NRK: variants seen among roughly 807,000 people sequenced by gnomAD.
NRK encodes Nik related kinase.
In NRK, 67 loss-of-function variants were observed where a neutral mutation model predicts 125.2. That is an observed-to-expected ratio of 0.54 (90% CI 0.44 to 0.66). The LOEUF is 0.66. Among genes scored for constraint, NRK ranks in the 30% least tolerant of loss-of-function variants. The pLI is 0.00. For missense variants in NRK, 1,224 were observed against 1,192.9 expected, an observed-to-expected ratio of 1.03 and a Z score of -0.38; for synonymous variants, 458 against 429.0, an observed-to-expected ratio of 1.07 and a Z score of -0.84.
rs1204461440 is a variant in NRK, at chrX:105,920,786, A to G, written c.2513-1178A>G. ...CAAATCAAAACCACAATGAGATACC[A>G]TCTCACACCAGTTAGAATGGCAATC... On this transcript the variant is annotated intron_variant, in intron 16 of 28. Transcript: ENST00000243300. 3.7e-5 allele frequency among the ~76,000 whole-genome samples: 4 copies of G among 107,314 alleles called. No individual in the cohort carries two copies. In the East Asian group the frequency reaches 1.2e-3, roughly 32 times the overall value. The allele number at this position is 107,314 out of a possible 115,157, so 93.2% of individuals were successfully genotyped here. A position where few individuals can be genotyped will look rare whatever the true frequency, so the allele number is the denominator to read the frequency against.
chrX:105,857,754 G>T (rs1347422440), intron 2 of NRK, among the ~76,000 whole-genome samples: 1 of 111,591 alleles, frequency 9.0e-6, no homozygotes, highest in African/African-American at 3.3e-5. Flanking sequence ...TTGCAGACAC[G>T]TGGGCACATA....
chrX:105,883,618 G>A (rs914497966), intron 4 of NRK, among the ~76,000 whole-genome samples: 4 of 111,867 alleles, frequency 3.6e-5, no homozygotes, highest in African/African-American at 9.7e-5. Context: ...AGAGCCCAGC[G>A]CATCTCTTGT....
At chrX:105,924,254 G>C (rs1490727113) in intron 18 of NRK, among the ~76,000 whole-genome samples, 3 of 110,248 alleles carry the variant, frequency 2.7e-5, no homozygotes, top group Non-Finnish European at 5.7e-5. Context: ...GAAAATCAAG[G>C]CACATGTTGA....
intron 1 of NRK, among the ~76,000 whole-genome samples, chrX:105,825,683 T>G (rs1012813019): frequency 2.7e-5 from 3 of 111,548 alleles, no homozygotes; most frequent in African/African-American, 9.8e-5. Flanking sequence ...GTGACAAAAT[T>G]ATATAACTTT....
chrX:105,822,423 G>C (rs1187683016), upstream of NRK: 2 of 165,261 alleles, frequency 1.2e-5, no homozygotes, highest in Admixed American at 1.5e-4. Flanking sequence ...CTCCCCGCCG[G>C]GCGGCTGCCC....
intron 3 of NRK, 51 bp downstream of exon 3, chrX:105,880,306 G>A: frequency 2.0e-6 from 1 of 494,833 alleles, no homozygotes; most frequent in Non-Finnish European, 3.2e-6. Context: ...CTGTGTTCCT[G>A]GGATACACAA....
chrX:105,852,784 C>T (rs2039488297), intron 2 of NRK, among the ~76,000 whole-genome samples: 1 of 111,463 alleles, frequency 9.0e-6, no homozygotes, highest in African/African-American at 3.3e-5. Flanking sequence ...AGCTCAGAAG[C>T]CAGAACAAAA....
At chrX:105,896,082 C>T (rs933635935) in intron 7 of NRK, among the ~76,000 whole-genome samples, 1 of 111,872 alleles carries the variant, frequency 8.9e-6, no homozygotes, top group Non-Finnish European at 1.9e-5. Flanking sequence ...AAGTACCTAG[C>T]TTTCTATGCC....
chrX:105,825,145 G>T (rs991324993), intron 1 of NRK, among the ~76,000 whole-genome samples: 1 of 111,951 alleles, frequency 8.9e-6, no homozygotes, highest in African/African-American at 3.2e-5. Flanking sequence ...GCGATTTGGG[G>T]TTTCTTTACA....
intron 7 of NRK, among the ~76,000 whole-genome samples, chrX:105,895,940 A>G (rs1220530236): frequency 8.9e-6 from 1 of 112,139 alleles, no homozygotes; most frequent in Non-Finnish European, 1.9e-5. Flanking sequence ...AAGAATATCA[A>G]ATAACTTTTA....
intron 26 of NRK, among the ~76,000 whole-genome samples, chrX:105,946,988 G>T (rs1349416142): frequency 8.9e-6 from 1 of 111,791 alleles, no homozygotes; most frequent in Non-Finnish European, 1.9e-5. Context: ...TACAACACCA[G>T]TATTGCAGCA....
At chrX:105,903,613 C>A (rs2040186234) in intron 9 of NRK, among the ~76,000 whole-genome samples, 1 of 111,640 alleles carries the variant, frequency 9.0e-6, no homozygotes, top group Admixed American at 9.5e-5. Flanking sequence ...TTGGAGGGGG[C>A]AGTTACTGAC....
chrX:105,905,008 T>G (rs1480884442), intron 9 of NRK, among the ~76,000 whole-genome samples: 1 of 112,599 alleles, frequency 8.9e-6, no homozygotes, highest in African/African-American at 3.2e-5. Context: ...CAACTATACA[T>G]TTCAAATATT....
rs779812232 is a variant in NRK at position 105,914,307 on chromosome X, G to C, written c.2350-1423G>C. 1.0e-3 allele frequency among the ~76,000 whole-genome samples: 112 copies of C among 110,968 alleles called. 1 individual carries two copies. Among genetic ancestry groups the C allele is most frequent in the Non-Finnish European group, 1.8e-3 (96 of 52,758 alleles). ...TGGCAGAAGGTACATAAGCCAGACT[G>C]TATTATATAATTAGAAGAGGCAATA... On this transcript the variant is annotated intron_variant, in intron 14 of 28. Transcript: ENST00000243300.
intron 23 of NRK, among the ~76,000 whole-genome samples, chrX:105,940,520 G>A (rs1226516248): frequency 9.0e-6 from 1 of 110,884 alleles, no homozygotes; most frequent in Non-Finnish European, 1.9e-5. Context: ...ACTTAATGAT[G>A]AGTCAGAAAG....
At chrX:105,936,816 A>G (rs1239945513) in intron 21 of NRK, among the ~76,000 whole-genome samples, 2 of 111,797 alleles carry the variant, frequency 1.8e-5, no homozygotes, top group African/African-American at 3.2e-5. Flanking sequence ...GAGATCCATG[A>G]AGGCAGGAAC....
chrX:105,882,664 C>T (rs1251521394), intron 4 of NRK, among the ~76,000 whole-genome samples: 2 of 110,984 alleles, frequency 1.8e-5, no homozygotes, highest in Non-Finnish European at 3.8e-5. Flanking sequence ...TTTACTAACA[C>T]AATCACATTC....
At chrX:105,886,430 T>TTATATATAA (rs969506119) in intron 4 of NRK, among the ~76,000 whole-genome samples, 1 of 104,390 alleles carries the variant, frequency 9.6e-6, no homozygotes, top group African/African-American at 3.4e-5. Context: ...TAATTATATA[T>TTATATATAA]TATATATACA....
At chrX:105,908,676 A>G in intron 12 of NRK, 51 bp from the exon 13 acceptor site, 1 of 1,141,088 alleles carries the variant, frequency 8.8e-7, no homozygotes, top group East Asian at 3.0e-5. Flanking sequence ...GAATGGCTCC[A>G]TTCCACTAAA....
Sources: gnomAD v4.1 joint callset for allele counts (sites outside exome capture counted in the v4.1 genomes callset) on GRCh38, gnomAD v4.1.1 for gene constraint, MANE v1.5 for transcripts, NCBI Gene and HGNC (gene_info 2026-07-23, HGNC 2026-07-21) for gene names.